EIPR1: variants seen among roughly 807,000 people sequenced by gnomAD.
EIPR1 encodes the protein EARP complex and GARP complex interacting protein 1, also known as EARP and GARP complex-interacting protein 1.
In EIPR1, 25 loss-of-function variants were observed where a neutral mutation model predicts 48.1. That is an observed-to-expected ratio of 0.52 (90% CI 0.38 to 0.73). The LOEUF (loss-of-function observed/expected upper bound fraction) is 0.73, where lower values mean the gene tolerates loss of function less well. Among genes scored for constraint, EIPR1 ranks in the 30% least tolerant of loss-of-function variants. The probability of loss-of-function intolerance (pLI) is 0.00; values close to 1 mark genes in which losing one functional copy is unlikely to be tolerated. For missense variants in EIPR1, 415 were observed against 506.2 expected (o/e 0.82, Z 1.73); for synonymous variants, 204 against 201.9 (o/e 1.01, Z -0.09).
chr2:3,334,492 C>T (rs1669985762), intron 3 of EIPR1, among the ~76,000 whole-genome samples: 1 of 152,242 alleles, frequency 6.6e-6, no homozygotes, highest in Non-Finnish European at 1.5e-5. Context: ...TCTGTGACTC[C>T]AGGCTTTTCC....
At chr2:3,232,544 A>C (rs1199216272) in intron 4 of EIPR1, among the ~76,000 whole-genome samples, 1 of 151,726 alleles carries the variant, frequency 6.6e-6, no homozygotes, top group Non-Finnish European at 1.5e-5. Context: ...CTCCTGTTTC[A>C]ATGTTGGTCT....
chr2:3,287,700 ATTCACCACGCTCCAGAAAGCTCG>A (rs1445316240), intron 3 of EIPR1, among the ~76,000 whole-genome samples: 5 of 130,484 alleles, frequency 3.8e-5, no homozygotes, highest in Admixed American at 7.4e-5. Flanking sequence ...CAGAAAGCTC[ATTCACCACGCTCCAGAAAGCTCG>A]TTCACCACGC....
At chr2:3,224,518 C>T (rs958749090) in intron 4 of EIPR1, among the ~76,000 whole-genome samples, 2 of 152,326 alleles carry the variant, frequency 1.3e-5, no homozygotes, top group South Asian at 4.1e-4. Flanking sequence ...GACACTCTAT[C>T]ACAAGGCTCC....
intron 4 of EIPR1, 80 bp downstream of exon 4, chr2:3,257,219 T>G (rs550735127): frequency 6.2e-5 from 92 of 1,478,882 alleles, no homozygotes; most frequent in Non-Finnish European, 8.3e-5. Flanking sequence ...CGGTGGCTCC[T>G]GCAAAGGAAT....
At chr2:3,376,979 A>T (rs1659904416) in intron 1 of EIPR1, among the ~76,000 whole-genome samples, 1 of 152,200 alleles carries the variant, frequency 6.6e-6, no homozygotes, top group African/African-American at 2.4e-5. Flanking sequence ...TGCTGTCCTG[A>T]ACTACCATGT....
intron 3 of EIPR1, among the ~76,000 whole-genome samples, chr2:3,299,026 C>T (rs1372974129): frequency 6.6e-6 from 1 of 152,196 alleles, no homozygotes; most frequent in Non-Finnish European, 1.5e-5. Flanking sequence ...AACAGCCCCA[C>T]AGATACAGGA....
rs371545620 is a variant in EIPR1, at chr2:3,222,478, A to G, written c.417-8230T>C. 8.5e-5 allele frequency among the ~76,000 whole-genome samples: 13 copies of G among 152,326 alleles called. No homozygotes were observed. The East Asian group carries it at 1.7e-3, about 20-fold the overall frequency. ...TGAAGAAAAAATATAATTCAAAAAGAAGCAAAAAAAGGCTTAAAGACTACA... is the reference window on the plus strand; with the variant it reads ...TGAAGAAAAAATATAATTCAAAAAGGAGCAAAAAAAGGCTTAAAGACTACA... On this transcript the variant is annotated intron_variant, in intron 4 of 8. Transcript: ENST00000382125.
chr2:3,266,775 C>G (rs1215531609), intron 3 of EIPR1, among the ~76,000 whole-genome samples: 1 of 152,242 alleles, frequency 6.6e-6, no homozygotes, highest in Non-Finnish European at 1.5e-5. Context: ...CAGTCTAGCC[C>G]AGATGGAGCT....
intron 5 of EIPR1, among the ~76,000 whole-genome samples, chr2:3,205,323 G>A (rs1665192475): frequency 6.6e-6 from 1 of 152,222 alleles, no homozygotes; most frequent in Non-Finnish European, 1.5e-5. Context: ...ACTGGACAGA[G>A]GCACCTCTAA....
chr2:3,342,781 A>G (rs751297981), intron 2 of EIPR1, among the ~76,000 whole-genome samples: 3 of 152,238 alleles, frequency 2.0e-5, no homozygotes, highest in Non-Finnish European at 4.4e-5. Flanking sequence ...ACACTGCAAT[A>G]GAAATGGTCT....
chr2:3,208,774 TTCC>T (rs1665328629), intron 5 of EIPR1: 1 of 1,548,662 alleles, frequency 6.5e-7, no homozygotes, highest in African/African-American at 1.4e-5. Flanking sequence ...CGAGTCCTTC[TTCC>T]TTGAGTGAGG....
chr2:3,213,247 C>T (rs4854140), intron 5 of EIPR1, among the ~76,000 whole-genome samples: 138,733 of 151,994 alleles, frequency 0.91, 63,667 homozygotes, highest in East Asian at 0.98. Context: ...AGTTCTTCCA[C>T]TTCCTCTTTT....
At chr2:3,334,993 T>C (rs904616355) in intron 3 of EIPR1, among the ~76,000 whole-genome samples, 2 of 152,166 alleles carry the variant, frequency 1.3e-5, no homozygotes, top group African/African-American at 4.8e-5. Flanking sequence ...TAGTTTTCTG[T>C]TGCTTCTACA....
chr2:3,190,584 A>G (rs1457221797), intron 8 of EIPR1, among the ~76,000 whole-genome samples: 1 of 152,128 alleles, frequency 6.6e-6, no homozygotes, highest in Non-Finnish European at 1.5e-5. Context: ...TCTTGCTCCC[A>G]TGACATTGCC....
intron 3 of EIPR1, among the ~76,000 whole-genome samples, chr2:3,275,529 GTA>G (rs1372460765): frequency 6.6e-6 from 1 of 152,060 alleles, no homozygotes; most frequent in Non-Finnish European, 1.5e-5. Context: ...TTTCTCAAGT[GTA>G]AATGCAACAT....
intron 5 of EIPR1, among the ~76,000 whole-genome samples, chr2:3,197,943 C>T (rs1664866748): frequency 6.6e-6 from 1 of 152,284 alleles, no homozygotes. Flanking sequence ...CTAGACAGGC[C>T]GTGAGAGGCC....
chr2:3,343,461 G>A (rs892945677), intron 2 of EIPR1, among the ~76,000 whole-genome samples: 1 of 152,160 alleles, frequency 6.6e-6, no homozygotes, highest in African/African-American at 2.4e-5. Flanking sequence ...GTCTGCAAAG[G>A]CGGTCGCCCT....
At chr2:3,338,401 T>C (rs1395950478) in intron 2 of EIPR1, among the ~76,000 whole-genome samples, 1 of 152,190 alleles carries the variant, frequency 6.6e-6, no homozygotes, top group Non-Finnish European at 1.5e-5. Flanking sequence ...TCCGGTCATA[T>C]CCAGTCTTAA....
intron 3 of EIPR1, among the ~76,000 whole-genome samples, chr2:3,333,202 G>A (rs185304586): frequency 6.6e-6 from 1 of 152,310 alleles, no homozygotes; most frequent in Admixed American, 6.5e-5. Flanking sequence ...GCATATTTGT[G>A]ATGTTCATTC....
Sources: gnomAD v4.1 joint callset for allele counts (sites outside exome capture counted in the v4.1 genomes callset) on GRCh38, gnomAD v4.1.1 for gene constraint, MANE v1.5 for transcripts, NCBI Gene and HGNC (gene_info 2026-07-23, HGNC 2026-07-21) for gene names.